The following NBPF15 variants were observed in gnomAD, a reference collection of about 807,000 sequenced individuals.
NBPF15 encodes NBPF family member NBPF15.
Under a neutral mutation model 62.2 loss-of-function variants are expected in NBPF15, and 74 were observed. The observed-to-expected ratio is 1.19, with a 90% CI of 0.99 to 1.44. The LOEUF (loss-of-function observed/expected upper bound fraction) is 1.44, where lower values mean the gene tolerates loss of function less well. Among genes scored for constraint, NBPF15 ranks in the 40% most tolerant of loss-of-function variants. The pLI, the probability that NBPF15 is intolerant of heterozygous loss-of-function variation, is 0.00. For missense variants in NBPF15, 790 were observed against 550.0 expected, an observed-to-expected ratio of 1.44 and a Z score of -4.36; for synonymous variants, 244 against 209.7, an observed-to-expected ratio of 1.16 and a Z score of -1.41.
chr1:144,423,223 A>T lies in NBPF15; in HGVS notation c.1803T>A (p.Pro601=), dbSNP rs782674848. 1 of 1,611,532 alleles carries T rather than the reference A, an allele frequency of 6.2e-7. No individual in the cohort carries two copies. The highest frequency in any genetic ancestry group is 8.5e-7 in the Non-Finnish European group (1 of 1,179,606). Residue 601 remains proline, a synonymous_variant, in exon 22 of 22, where the codon CCT becomes CCA. Coordinates refer to ENST00000581897, the MANE Select transcript of NBPF15 (RefSeq NM_001385408.1). ...LYGVLMEVEE[P]EVLQDSLDRC... is the part of the protein sequence containing the mutation. ...TATCCAGTGAGTCCTGTAAGACTTCAGGCTCTTCCACTTCCATCAGCACGC... is the reference window on the plus strand; with the variant it reads ...TATCCAGTGAGTCCTGTAAGACTTCTGGCTCTTCCACTTCCATCAGCACGC...
At chr1:144,445,860 T>A (rs1168973307) in intron 6 of NBPF15, among the ~76,000 whole-genome samples, 21 of 142,112 alleles carry the variant, frequency 1.5e-4, no homozygotes, top group African/African-American at 4.6e-4. Flanking sequence ...TTCCTTTTTT[T>A]TTTTTTTTTT....
chr1:144,436,561 C>G (rs1390495959), intron 10 of NBPF15, among the ~76,000 whole-genome samples: 3 of 152,030 alleles, frequency 2.0e-5, no homozygotes, highest in Admixed American at 6.6e-5. Flanking sequence ...AAAAGACAGC[C>G]TGGGAATCTT....
intron 21 of NBPF15, 110 bp from the exon 22 acceptor site, chr1:144,423,366 G>T: frequency 6.3e-7 from 1 of 1,597,320 alleles, no homozygotes. Flanking sequence ...AAAAAGGATA[G>T]ATTCATTAAT....
intron 6 of NBPF15, among the ~76,000 whole-genome samples, chr1:144,446,487 A>G (rs1167272870): frequency 6.6e-6 from 1 of 152,312 alleles, no homozygotes; most frequent in Non-Finnish European, 1.5e-5. Flanking sequence ...CAGGTATTCT[A>G]CTTTTTTCTC....
At chr1:144,439,689 A>G (rs1329828240) in intron 8 of NBPF15, 140 bp downstream of exon 8, 4 of 674,964 alleles carry the variant, frequency 5.9e-6, no homozygotes, top group Non-Finnish European at 1.0e-5. Flanking sequence ...AACTTTAACA[A>G]AATGTTAAAA....
chr1:144,422,940 C>A lies in NBPF15; in HGVS notation c.*73G>T. On this transcript the variant is annotated 3_prime_UTR_variant, in exon 22 of 22. Transcript: ENST00000581897. ...GTCTGGGCTTCCAAATGGAACTGTA[C>A]TTTCATTCAAATCTTCTCGTGCCTA... 3 of 1,611,470 alleles carry A rather than the reference C, an allele frequency of 1.9e-6. No individual in the cohort carries two copies. Among genetic ancestry groups the A allele is most frequent in the Non-Finnish European group, 2.5e-6 (3 of 1,179,548 alleles).
intron 13 of NBPF15, among the ~76,000 whole-genome samples, chr1:144,431,568 G>A (rs1196364517): frequency 8.2e-5 from 12 of 145,940 alleles, no homozygotes; most frequent in Non-Finnish European, 1.7e-4. Context: ...ATGTATACAT[G>A]TCCACATTGG....
chr1:144,441,803 A>T (rs1683081689), intron 6 of NBPF15, among the ~76,000 whole-genome samples: 1 of 151,256 alleles, frequency 6.6e-6, no homozygotes, highest in East Asian at 1.9e-4. Context: ...GAGAGTGGTT[A>T]ATATTAACTT....
rs781856564 is a variant in NBPF15, at chr1:144,423,162, G to C, written c.1864C>G (p.Pro622Ala). 1 of 1,611,558 alleles carries C rather than the reference G, an allele frequency of 6.2e-7. No individual in the cohort carries two copies. The highest frequency in any genetic ancestry group is 2.2e-5 in the East Asian group (1 of 44,854). The change falls in exon 22 of 22, where the codon CCT (proline) becomes GCT (alanine). Residue 622 changes from proline (P) to alanine (A), a missense_variant. Pro to Ala is a conservative substitution (Grantham distance 27). Transcript: ENST00000581897. Reference sequence around the variant, plus strand: ...CTTCTGTAGTGCTGGAATGAGTCAGGTTGTTCAAAGTACATTGACGGAGTC... The same window carrying C: ...CTTCTGTAGTGCTGGAATGAGTCAGCTTGTTCAAAGTACATTGACGGAGTC... ...YSTPSMYFEQ[P>A]DSFQHYRSVF...
intron 5 of NBPF15, among the ~76,000 whole-genome samples, chr1:144,450,453 C>G (rs781818558): frequency 6.6e-6 from 1 of 151,926 alleles, no homozygotes; most frequent in African/African-American, 2.4e-5. Flanking sequence ...CCCCCACAAA[C>G]AAGAATAGGA....
At chr1:144,426,245 G>T in intron 18 of NBPF15, 33 bp downstream of exon 18, 1 of 570,576 alleles carries the variant, frequency 1.8e-6, no homozygotes, top group Non-Finnish European at 3.1e-6. Flanking sequence ...AAGACCAGGT[G>T]GAGGCTTATC....
Position 144,422,612 on chromosome 1 carries a change from G to C in NBPF15, c.*401C>G, listed in dbSNP as rs562233607. 1 of 305,836 alleles carries C rather than the reference G, an allele frequency of 3.3e-6. No individual in the cohort carries two copies. The highest frequency in any genetic ancestry group is 5.9e-6 in the Non-Finnish European group (1 of 168,338). The allele number at this position is 305,836 out of a possible 1,614,324, so 18.9% of individuals were successfully genotyped here. A position where few individuals can be genotyped will look rare whatever the true frequency, so the allele number is the denominator to read the frequency against. On this transcript the variant is annotated 3_prime_UTR_variant, in exon 22 of 22. Coordinates refer to ENST00000581897, the MANE Select transcript of NBPF15 (RefSeq NM_001385408.1). Reference sequence around the variant, plus strand: ...CCAACACTGAAGACACAAAGAATGAGGTTAGGTTCATTGAAACCAGGGTAA... The same window carrying C: ...CCAACACTGAAGACACAAAGAATGACGTTAGGTTCATTGAAACCAGGGTAA...
chr1:144,456,296 G>A (rs1353801611), intron 4 of NBPF15, among the ~76,000 whole-genome samples: 1 of 151,946 alleles, frequency 6.6e-6, no homozygotes, highest in African/African-American at 2.4e-5. Context: ...AAGTCCTGGA[G>A]AGAACACTCT....
intron 6 of NBPF15, among the ~76,000 whole-genome samples, chr1:144,444,452 C>T (rs1322721564): frequency 6.6e-6 from 1 of 151,672 alleles, no homozygotes; most frequent in East Asian, 1.9e-4. Flanking sequence ...CCCCAGGCCT[C>T]CACAAACAAG....
chr1:144,436,211 C>T (rs1678193673), intron 10 of NBPF15, among the ~76,000 whole-genome samples: 1 of 152,150 alleles, frequency 6.6e-6, no homozygotes, highest in South Asian at 2.1e-4. Flanking sequence ...CATTTCAAAC[C>T]TAATTCTTTC....
At chr1:144,455,598 G>A (rs1693964414) in intron 4 of NBPF15, among the ~76,000 whole-genome samples, 1 of 151,992 alleles carries the variant, frequency 6.6e-6, no homozygotes. Context: ...GCTGCTCCTT[G>A]TCCACTCCAG....
At chr1:144,429,246 G>T (rs1424885020) in intron 14 of NBPF15, among the ~76,000 whole-genome samples, 1 of 148,954 alleles carries the variant, frequency 6.7e-6, no homozygotes, top group Non-Finnish European at 1.5e-5. Flanking sequence ...GTGAAACCTG[G>T]GTCACATCTT....
intron 6 of NBPF15, among the ~76,000 whole-genome samples, chr1:144,445,941 C>T: frequency 6.9e-6 from 1 of 145,808 alleles, no homozygotes; most frequent in South Asian, 2.3e-4. Flanking sequence ...ACTGCAACCT[C>T]TGCCTCCCAG....
intron 1 of NBPF15, among the ~76,000 whole-genome samples, 162 bp downstream of exon 1, chr1:144,461,219 G>C (rs1361075352): frequency 6.6e-6 from 1 of 152,048 alleles, no homozygotes; most frequent in South Asian, 2.1e-4. Flanking sequence ...GCTGCGGGCG[G>C]CAGCGGCAAG....
Sources: allele counts gnomAD v4.1 joint callset (sites outside exome capture counted in the v4.1 genomes callset), GRCh38; gene constraint gnomAD v4.1.1; transcripts MANE v1.5; gene names NCBI Gene and HGNC (gene_info 2026-07-23, HGNC 2026-07-21).